The following GRIK2 variants were observed in gnomAD, a reference collection of about 807,000 sequenced individuals.
GRIK2 encodes glutamate ionotropic receptor kainate type subunit 2.
GRIK2 carries 32 observed loss-of-function variants against 100.3 expected under a neutral mutation model. The ratio of observed to expected loss-of-function variants is 0.32; its 90% confidence interval spans 0.24 to 0.43. GRIK2 has a LOEUF of 0.43. GRIK2 is among the 20% of genes least tolerant of loss of function. The pLI, the probability that GRIK2 is intolerant of heterozygous loss-of-function variation, is 1.00. For synonymous variants in GRIK2, 417 were observed against 389.4 expected (o/e 1.07, Z -0.83); for missense variants, 843 against 1,114.9 (o/e 0.76, Z 3.47).
intron 2 of GRIK2, among the ~76,000 whole-genome samples, chr6:101,586,646 A>G (rs942393434): frequency 1.3e-5 from 2 of 151,928 alleles, no homozygotes; most frequent in Non-Finnish European, 2.9e-5. Flanking sequence ...AGGCAGGTGG[A>G]TTGCCTGTGC....
chr6:101,702,825 C>T (rs1239405882), intron 7 of GRIK2, among the ~76,000 whole-genome samples: 1 of 151,660 alleles, frequency 6.6e-6, no homozygotes, highest in African/African-American at 2.4e-5. Context: ...GCATCCTAGG[C>T]AGAAGGAACA....
chr6:101,654,818 C>A (rs1031578890), intron 4 of GRIK2, among the ~76,000 whole-genome samples: 10 of 152,160 alleles, frequency 6.6e-5, no homozygotes, highest in Admixed American at 2.6e-4. Flanking sequence ...AACCCACTCT[C>A]CTATCCACCT....
At chr6:102,032,974 A>G (rs949578474) in intron 14 of GRIK2, among the ~76,000 whole-genome samples, 1 of 151,216 alleles carries the variant, frequency 6.6e-6, no homozygotes, top group South Asian at 2.1e-4. Context: ...GGTGTAGTGC[A>G]CTGATTAAGA....
intron 10 of GRIK2, among the ~76,000 whole-genome samples, chr6:101,840,671 T>TA (rs1202409883): frequency 6.6e-6 from 1 of 152,236 alleles, no homozygotes; most frequent in East Asian, 1.9e-4. Context: ...GGTGTTTATA[T>TA]ATAGTGACAT....
chr6:101,937,076 T>C lies in GRIK2; in HGVS notation c.2085+8444T>C, dbSNP rs144284713. On this transcript the variant is annotated intron_variant, in intron 14 of 16. Coordinates refer to ENST00000369134, the MANE Select transcript of GRIK2 (RefSeq NM_021956.5). ...TCTAAGGGACAGAAGTTTAATCCTT[T>C]TCTAATTGCTACATTTGCAATATGT... Among the ~76,000 whole-genome samples, 51 of 152,292 alleles carry C rather than the reference T, an allele frequency of 3.3e-4. 1 individual carries two copies. The East Asian group carries it at 9.1e-3, about 27-fold the overall frequency.
intron 14 of GRIK2, among the ~76,000 whole-genome samples, chr6:101,996,478 CT>C (rs1794656257): frequency 6.6e-6 from 1 of 152,008 alleles, no homozygotes; most frequent in African/African-American, 2.4e-5. Flanking sequence ...CCAAAAAGTG[CT>C]GTTTCTACTA....
intron 2 of GRIK2, among the ~76,000 whole-genome samples, chr6:101,455,024 G>A (rs942984248): frequency 1.3e-5 from 2 of 151,918 alleles, no homozygotes; most frequent in East Asian, 1.9e-4. Flanking sequence ...TAATTTTTAA[G>A]ACTCAATAAT....
intron 2 of GRIK2, among the ~76,000 whole-genome samples, chr6:101,618,914 T>G (rs1032428772): frequency 6.7e-6 from 1 of 150,172 alleles, no homozygotes; most frequent in Non-Finnish European, 1.5e-5. Flanking sequence ...ATTCGTGATT[T>G]TTATCTTAAT....
chr6:101,531,194 T>TC (rs1366126113), intron 2 of GRIK2, among the ~76,000 whole-genome samples: 1 of 151,936 alleles, frequency 6.6e-6, no homozygotes, highest in African/African-American at 2.4e-5. Flanking sequence ...CTCTGTCAAG[T>TC]CCCATCTTTT....
At chr6:102,041,271 A>G (rs1243784633) in intron 15 of GRIK2, among the ~76,000 whole-genome samples, 1 of 151,646 alleles carries the variant, frequency 6.6e-6, no homozygotes, top group African/African-American at 2.4e-5. Flanking sequence ...ATTCTCATAA[A>G]ACAGAGTTCT....
chr6:101,855,994 T>C (rs1784407289), intron 10 of GRIK2, among the ~76,000 whole-genome samples: 1 of 152,154 alleles, frequency 6.6e-6, no homozygotes, highest in Admixed American at 6.5e-5. Flanking sequence ...AAACAGAATT[T>C]GAGAATGATT....
At chr6:101,417,074 G>A (rs1776175294) in intron 2 of GRIK2, among the ~76,000 whole-genome samples, 1 of 152,206 alleles carries the variant, frequency 6.6e-6, no homozygotes, top group Non-Finnish European at 1.5e-5. Flanking sequence ...CATGGCTAGG[G>A]AGGCCTCACA....
intron 15 of GRIK2, among the ~76,000 whole-genome samples, chr6:102,044,105 G>T (rs1770749838): frequency 6.6e-6 from 1 of 151,882 alleles, no homozygotes; most frequent in African/African-American, 2.4e-5. Context: ...AGAAGTATAA[G>T]AAATTCATGA....
intron 7 of GRIK2, among the ~76,000 whole-genome samples, chr6:101,791,547 G>A (rs578066397): frequency 6.6e-6 from 1 of 152,078 alleles, no homozygotes; most frequent in Non-Finnish European, 1.5e-5. Context: ...CTGAGTTCTA[G>A]TTTGATTGCA....
At chr6:101,447,312 A>G (rs1770434568) in intron 2 of GRIK2, among the ~76,000 whole-genome samples, 1 of 151,640 alleles carries the variant, frequency 6.6e-6, no homozygotes, top group South Asian at 2.1e-4. Flanking sequence ...ACCTTAAGTT[A>G]TAAATTTGAT....
intron 2 of GRIK2, among the ~76,000 whole-genome samples, chr6:101,517,496 CAGA>C (rs1029880423): frequency 6.6e-6 from 1 of 151,304 alleles, no homozygotes; most frequent in African/African-American, 2.4e-5. Context: ...CTGTATCTTA[CAGA>C]AGAAGAACAT....
At chr6:101,451,740 A>G (rs1770705540) in intron 2 of GRIK2, among the ~76,000 whole-genome samples, 1 of 151,486 alleles carries the variant, frequency 6.6e-6, no homozygotes, top group Non-Finnish European at 1.5e-5. Flanking sequence ...TTTTTTAAGA[A>G]AGGTGAAATA....
intron 2 of GRIK2, among the ~76,000 whole-genome samples, chr6:101,488,169 C>T (rs1176726084): frequency 6.8e-6 from 1 of 146,680 alleles, no homozygotes; most frequent in Admixed American, 6.8e-5. Flanking sequence ...TCCTTATAAT[C>T]ATCCTGCCTT....
chr6:101,555,041 A>C (rs1776674025), intron 2 of GRIK2, among the ~76,000 whole-genome samples: 1 of 152,196 alleles, frequency 6.6e-6, no homozygotes, highest in Non-Finnish European at 1.5e-5. Context: ...GACAGTTGGG[A>C]AACATTAGAG....
Sources: allele counts gnomAD v4.1 joint callset (sites outside exome capture counted in the v4.1 genomes callset), GRCh38; gene constraint gnomAD v4.1.1; transcripts MANE v1.5; gene names NCBI Gene and HGNC (gene_info 2026-07-23, HGNC 2026-07-21).